N4BP2L2: variants seen among roughly 807,000 people sequenced by gnomAD.
N4BP2L2 encodes NEDD4-binding protein 2-like 2.
Under a neutral mutation model 56.2 loss-of-function variants are expected in N4BP2L2, and 50 were observed. The observed-to-expected ratio is 0.89, with a 90% CI of 0.71 to 1.13. The LOEUF (loss-of-function observed/expected upper bound fraction) is 1.13, where lower values mean the gene tolerates loss of function less well. Ranked by LOEUF, N4BP2L2 falls within the 50% of genes most tolerant of loss-of-function variation. N4BP2L2 has a pLI of 0.00. For synonymous variants in N4BP2L2, 203 were observed against 223.6 expected (o/e 0.91, Z 0.82); for missense variants, 689 against 693.8 (o/e 0.99, Z 0.08).
At chr13:32,485,972 A>T (rs1043623904) in intron 6 of N4BP2L2, among the ~76,000 whole-genome samples, 1 of 152,220 alleles carries the variant, frequency 6.6e-6, no homozygotes, top group Non-Finnish European at 1.5e-5. Context: ...CAGGAGGCTG[A>T]GGTGGAAGTG....
Position 32,443,420 on chromosome 13 carries a change from C to A in N4BP2L2, c.1072G>T (p.Glu358Ter). 1 of 1,614,026 alleles carries A rather than the reference C, an allele frequency of 6.2e-7. No homozygotes were observed. The highest frequency in any genetic ancestry group is 1.1e-5 in the South Asian group (1 of 91,074). ...CTGTCAGAGCCCAGCTGTAAATCTTCATCAGATAAATTGGTTGTGAAAAAA... is the reference window on the plus strand; with the variant it reads ...CTGTCAGAGCCCAGCTGTAAATCTTAATCAGATAAATTGGTTGTGAAAAAA... The change falls in exon 7 of 10, where the codon GAA becomes TAA. Residue 358 changes from glutamate (E) to a stop codon, truncating the protein, a stop_gained. Coordinates refer to the N4BP2L2 transcript ENST00000357505. LOFTEE classifies it high-confidence loss of function.
At chr13:32,474,626 C>G (rs1428105527) in intron 6 of N4BP2L2, among the ~76,000 whole-genome samples, 1 of 151,990 alleles carries the variant, frequency 6.6e-6, no homozygotes, top group Non-Finnish European at 1.5e-5. Context: ...CCTGGGGGGA[C>G]AGAGGTTGCA....
chr13:32,499,200 A>G (rs551831237), intron 6 of N4BP2L2, among the ~76,000 whole-genome samples: 26 of 152,150 alleles, frequency 1.7e-4, no homozygotes, highest in African/African-American at 6.3e-4. Flanking sequence ...CTGGCCCTCT[A>G]CTTTTCACTC....
At chr13:32,439,059 C>A (rs911419356) in intron 7 of N4BP2L2, among the ~76,000 whole-genome samples, 2 of 152,212 alleles carry the variant, frequency 1.3e-5, no homozygotes, top group East Asian at 3.9e-4. Context: ...AAGTACATGC[C>A]ATTTCCAAAT....
chr13:32,483,266 C>A (rs919610337), intron 6 of N4BP2L2, among the ~76,000 whole-genome samples: 6 of 152,132 alleles, frequency 3.9e-5, no homozygotes, highest in African/African-American at 1.4e-4. Flanking sequence ...TCTATCAGGG[C>A]AACTGGAAAA....
Position 32,446,260 on chromosome 13 carries a change from T to C in N4BP2L2, c.366-2134A>G, listed in dbSNP as rs554078930. 24 of 761,136 alleles carry C rather than the reference T, an allele frequency of 3.2e-5. No individual in the cohort carries two copies. The East Asian group carries it at 1.1e-3, about 33-fold the overall frequency. The allele number at this position is 761,136 out of a possible 1,614,324, so 47.1% of individuals were successfully genotyped here. On this transcript the variant is annotated intron_variant, in intron 6 of 9. Coordinates refer to the N4BP2L2 transcript ENST00000357505. Reference sequence around the variant, plus strand: ...GTTTAGAAAATACTCTAAGGAACACTAATGTACCTAGAAACAGTTGTGATG... The same window carrying C: ...GTTTAGAAAATACTCTAAGGAACACCAATGTACCTAGAAACAGTTGTGATG...
chr13:32,501,982 C>T (rs143886491), intron 6 of N4BP2L2, among the ~76,000 whole-genome samples: 53 of 151,752 alleles, frequency 3.5e-4, no homozygotes, highest in African/African-American at 1.2e-3. Flanking sequence ...ACTAATCCAT[C>T]TATGCCAATG....
intron 2 of N4BP2L2, among the ~76,000 whole-genome samples, chr13:32,529,105 C>T (rs950454110): frequency 6.6e-6 from 1 of 152,198 alleles, no homozygotes; most frequent in Admixed American, 6.5e-5. Context: ...CATTTCAATA[C>T]AGATGCAATA....
At chr13:32,482,710 G>A (rs1157575528) in intron 6 of N4BP2L2, among the ~76,000 whole-genome samples, 1 of 151,918 alleles carries the variant, frequency 6.6e-6, no homozygotes, top group Non-Finnish European at 1.5e-5. Context: ...CCTATCAGTA[G>A]GTGAAAGAGA....
At chr13:32,471,733 G>T (rs897967388) in intron 6 of N4BP2L2, among the ~76,000 whole-genome samples, 1 of 152,242 alleles carries the variant, frequency 6.6e-6, no homozygotes. Context: ...GCTGCTGCGA[G>T]AGAGCTGCTG....
chr13:32,470,065 C>T (rs544126788), intron 6 of N4BP2L2, among the ~76,000 whole-genome samples: 3 of 152,294 alleles, frequency 2.0e-5, no homozygotes, highest in African/African-American at 7.2e-5. Flanking sequence ...AGACCTGTAT[C>T]TTTGCACCTT....
At chr13:32,463,895 G>A (rs1158966927) in intron 6 of N4BP2L2, among the ~76,000 whole-genome samples, 1 of 102,594 alleles carries the variant, frequency 9.7e-6, no homozygotes, top group Non-Finnish European at 1.8e-5. Flanking sequence ...ACTACTAGTA[G>A]AATGGCCCTA....
chr13:32,531,407 G>T (rs2054760037), intron 2 of N4BP2L2, among the ~76,000 whole-genome samples: 1 of 152,124 alleles, frequency 6.6e-6, no homozygotes, highest in Non-Finnish European at 1.5e-5. Context: ...CATTTTCATG[G>T]TTTGGTTTTT....
chr13:32,529,462 C>T (rs79983147), intron 2 of N4BP2L2, among the ~76,000 whole-genome samples: 4 of 152,112 alleles, frequency 2.6e-5, no homozygotes, highest in Non-Finnish European at 2.9e-5. Context: ...ACATGTCTAT[C>T]TGACATATTT....
chr13:32,522,291 A>G (rs755230649), intron 3 of N4BP2L2, 21 bp from the exon 4 acceptor site: 2 of 1,402,284 alleles, frequency 1.4e-6, no homozygotes, highest in South Asian at 2.8e-5. Flanking sequence ...ATATAAATTT[A>G]AAAATAAAAA....
chr13:32,477,602 G>A (rs76173168), intron 6 of N4BP2L2: 7,697 of 302,634 alleles, frequency 0.025, 139 homozygotes, highest in Middle Eastern at 0.034. Flanking sequence ...ATATAGCAAC[G>A]CCTAATCTGG....
At chr13:32,520,230 A>C (rs1239794116) in intron 5 of N4BP2L2, among the ~76,000 whole-genome samples, 13 of 152,212 alleles carry the variant, frequency 8.5e-5, no homozygotes, top group Non-Finnish European at 4.4e-5. Flanking sequence ...AACTCTGTGA[A>C]TATACAGAAA....
At chr13:32,474,702 G>A (rs1371555397) in intron 6 of N4BP2L2, among the ~76,000 whole-genome samples, 1 of 152,002 alleles carries the variant, frequency 6.6e-6, no homozygotes, top group Non-Finnish European at 1.5e-5. Context: ...CCCAGCCACC[G>A]CACTAAAATA....
intron 6 of N4BP2L2, among the ~76,000 whole-genome samples, chr13:32,486,375 T>A (rs1324764583): frequency 6.6e-6 from 1 of 152,112 alleles, no homozygotes; most frequent in Non-Finnish European, 1.5e-5. Flanking sequence ...AATTAAAAAC[T>A]ATTAAAAATA....
Sources: gnomAD v4.1 joint callset for allele counts (sites outside exome capture counted in the v4.1 genomes callset) on GRCh38, gnomAD v4.1.1 for gene constraint, MANE v1.5 for transcripts, NCBI Gene and HGNC (gene_info 2026-07-23, HGNC 2026-07-21) for gene names.